Variants in XKR9 observed in about 807,000 individuals in gnomAD.
XKR9 encodes the protein XK-related protein 9.
In XKR9, 32 loss-of-function variants were observed where a neutral mutation model predicts 32.0. The ratio of observed to expected loss-of-function variants is 1.00; its 90% CI spans 0.76 to 1.34. The LOEUF is 1.34. Ranked by LOEUF, XKR9 falls within the 40% of genes most tolerant of loss-of-function variation. The pLI, the probability that XKR9 is intolerant of heterozygous loss-of-function variation, is 0.00. For missense variants in XKR9, 546 were observed against 429.7 expected, an observed-to-expected ratio of 1.27 and a Z score of -2.39; for synonymous variants, 168 against 143.4, an observed-to-expected ratio of 1.17 and a Z score of -1.22.
At chr8:70,909,783 G>A in the XKR9 span, among the ~76,000 whole-genome samples, 4 of 131,524 alleles carry the variant, frequency 3.0e-5, no homozygotes, top group African/African-American at 5.7e-5. Context: ...ATCTCAGCTC[G>A]CTGCCACCTC....
intron 4 of XKR9, among the ~76,000 whole-genome samples, chr8:70,713,276 T>C (rs1230005700): frequency 6.6e-6 from 1 of 151,984 alleles, no homozygotes; most frequent in African/African-American, 2.4e-5. Context: ...GAGAGAGATA[T>C]TAAGAGACAT....
the XKR9 span, among the ~76,000 whole-genome samples, chr8:70,941,214 A>T: frequency 6.6e-6 from 1 of 151,854 alleles, no homozygotes; most frequent in Non-Finnish European, 1.5e-5. Flanking sequence ...TATAAATAGA[A>T]TTATATAATA....
chr8:71,054,629 T>G, the XKR9 span, among the ~76,000 whole-genome samples: 1 of 152,324 alleles, frequency 6.6e-6, no homozygotes, highest in African/African-American at 2.4e-5. Context: ...CCATTATAGC[T>G]GCTGCTGCTG....
intron 2 of XKR9, among the ~76,000 whole-genome samples, chr8:70,759,329 A>G (rs1009857817): frequency 7.9e-5 from 12 of 152,198 alleles, no homozygotes; most frequent in Non-Finnish European, 1.2e-4. Context: ...TTTTCAGAAA[A>G]TAATAGCTAT....
At chr8:71,006,875 T>C in the XKR9 span, among the ~76,000 whole-genome samples, 296 of 152,350 alleles carry the variant, frequency 1.9e-3, 1 homozygote, top group African/African-American at 6.9e-3. Flanking sequence ...AAGAAAATTC[T>C]CTGAGAATCC....
At chr8:70,743,054 C>T (rs1170093927) in intron 2 of XKR9, among the ~76,000 whole-genome samples, 1 of 151,836 alleles carries the variant, frequency 6.6e-6, no homozygotes, top group East Asian at 1.9e-4. Flanking sequence ...TGTGTTAGAC[C>T]TATTGATATT....
intron 2 of XKR9, among the ~76,000 whole-genome samples, chr8:70,762,452 A>C (rs1372719520): frequency 6.6e-6 from 1 of 152,216 alleles, no homozygotes; most frequent in Non-Finnish European, 1.5e-5. Context: ...CATAAGCCAC[A>C]GCATTAGATT....
chr8:70,870,550 A>G, the XKR9 span, among the ~76,000 whole-genome samples: 1 of 152,210 alleles, frequency 6.6e-6, no homozygotes, highest in Non-Finnish European at 1.5e-5. Flanking sequence ...AAAGTATGGA[A>G]GCCAGCTGCT....
At chr8:71,022,216 A>G in the XKR9 span, among the ~76,000 whole-genome samples, 11 of 152,162 alleles carry the variant, frequency 7.2e-5, no homozygotes, top group Admixed American at 5.2e-4. Flanking sequence ...AACCAGTACC[A>G]TGCTGTTTTG....
At chr8:70,941,811 A>G in the XKR9 span, among the ~76,000 whole-genome samples, 2 of 152,152 alleles carry the variant, frequency 1.3e-5, no homozygotes, top group Non-Finnish European at 2.9e-5. Context: ...TGTCTACACC[A>G]CAAAATCAGC....
chr8:70,698,330 A>C (rs975974310), intron 3 of XKR9, among the ~76,000 whole-genome samples: 93 of 152,270 alleles, frequency 6.1e-4, no homozygotes, highest in African/African-American at 2.0e-3. Flanking sequence ...TTAGTGCTAT[A>C]AATTTCCCTC....
At chr8:70,796,273 C>G in the XKR9 span, among the ~76,000 whole-genome samples, 3 of 151,968 alleles carry the variant, frequency 2.0e-5, no homozygotes, top group African/African-American at 7.2e-5. Flanking sequence ...TCATATGTAC[C>G]AGATTTTGAA....
chr8:70,797,014 C>T, the XKR9 span, among the ~76,000 whole-genome samples: 3 of 152,170 alleles, frequency 2.0e-5, no homozygotes, highest in African/African-American at 7.2e-5. Flanking sequence ...CCCCAGTTAG[C>T]ACCTGCAGCA....
intron 2 of XKR9, among the ~76,000 whole-genome samples, chr8:70,771,420 T>C (rs2130232832): frequency 6.6e-6 from 1 of 152,358 alleles, no homozygotes; most frequent in African/African-American, 2.4e-5. Context: ...CTTATTGACT[T>C]GAAATTTTTA....
chr8:70,911,574 G>A, the XKR9 span, among the ~76,000 whole-genome samples: 13 of 152,278 alleles, frequency 8.5e-5, no homozygotes, highest in East Asian at 1.2e-3. Flanking sequence ...CACTTATCAC[G>A]TGTCAAGATT....
At chr8:70,869,203 G>A in the XKR9 span, among the ~76,000 whole-genome samples, 2 of 152,108 alleles carry the variant, frequency 1.3e-5, no homozygotes, top group African/African-American at 4.8e-5. Context: ...ACATTTTTGG[G>A]TATCTTTTCA....
chr8:71,036,837 A>G, the XKR9 span, among the ~76,000 whole-genome samples: 1 of 150,606 alleles, frequency 6.6e-6, no homozygotes, highest in Non-Finnish European at 1.5e-5. Flanking sequence ...TTGCTGATTC[A>G]TAATTTTCTC....
the XKR9 span, among the ~76,000 whole-genome samples, chr8:70,873,818 A>G: frequency 1.3e-5 from 2 of 152,234 alleles, no homozygotes; most frequent in Non-Finnish European, 2.9e-5. Flanking sequence ...AAGAAGTTCT[A>G]TTGTGTATAA....
the XKR9 span, among the ~76,000 whole-genome samples, chr8:70,883,565 T>C: frequency 6.6e-6 from 1 of 152,124 alleles, no homozygotes; most frequent in African/African-American, 2.4e-5. Context: ...CTGTTTCCCA[T>C]AGAACCACTG....
Sources: gnomAD v4.1 joint callset for allele counts (sites outside exome capture counted in the v4.1 genomes callset) on GRCh38, gnomAD v4.1.1 for gene constraint, MANE v1.5 for transcripts, NCBI Gene and HGNC (gene_info 2026-07-23, HGNC 2026-07-21) for gene names.